The following THOC2 variants were observed in gnomAD, a reference collection of about 807,000 sequenced individuals.
The protein encoded by THOC2 is THO complex 2.
Under a neutral mutation model 128.4 loss-of-function variants are expected in THOC2, and 10 were observed. The ratio of observed to expected loss-of-function variants is 0.08; its 90% CI spans 0.05 to 0.13. The LOEUF is 0.13. THOC2 is among the 10% of genes least tolerant of loss of function. THOC2 has a pLI of 1.00. For missense variants in THOC2, 535 were observed against 1,155.7 expected, an observed-to-expected ratio of 0.46 and a Z score of 7.79; for synonymous variants, 393 against 396.9, an observed-to-expected ratio of 0.99 and a Z score of 0.12.
chrX:123,697,576 A>G, intron 5 of THOC2, 105 bp downstream of exon 5: 1 of 473,070 alleles, frequency 2.1e-6, no homozygotes, highest in Non-Finnish European at 3.6e-6. Context: ...ACCTTATGAG[A>G]AAAGTCAACT....
Position 123,712,860 on chromosome X carries a change from T to A in THOC2, c.120A>T (p.Ser40=). 8.6e-7 allele frequency: 1 copy of A among 1,163,806 alleles called. No homozygotes were observed. Among genetic ancestry groups the A allele is most frequent in the Non-Finnish European group, 1.2e-6 (1 of 866,047 alleles). Residue 40 remains serine, a synonymous_variant, in exon 2 of 39, where the codon TCA becomes TCT. Coordinates refer to ENST00000245838, the MANE Select transcript of THOC2 (RefSeq NM_001081550.2). ...ILSENKSHDS[S]TYRDFQQALY... is the part of the protein sequence containing the mutation. ...TTTTAAAAATCTTACCTCTGTATGT[T>A]GAACTATCATGGCTTTTATTTTCAC... is the stretch of plus-strand genomic sequence containing the variant.
Position 123,611,090 on chromosome X carries a change from AC to A in THOC2, c.4755-128del. The A allele has an allele frequency of 3.5e-6, 2 of 575,263 alleles. 1 individual carries two copies. The highest frequency in any genetic ancestry group is 5.6e-6 in the Non-Finnish European group (2 of 356,911). 47.4% of individuals were successfully genotyped at this position (575,263 alleles called of 1,213,427 possible). A position where few individuals can be genotyped will look rare whatever the true frequency, so the allele number is the denominator to read the frequency against. Reference sequence around the variant, plus strand: ...GACCAGCCTGGTAGCCTCAAACTCTACCAGCTCTGCTTGTCTGACTCATCAT... The same window carrying A: ...GACCAGCCTGGTAGCCTCAAACTCTACAGCTCTGCTTGTCTGACTCATCAT... On this transcript the variant is annotated intron_variant, in intron 37 of 38. Coordinates refer to ENST00000245838, the MANE Select transcript of THOC2 (RefSeq NM_001081550.2).
rs767996125 is a variant in THOC2, at chrX:123,641,436, C to A, written c.1662-814G>T. Among the ~76,000 whole-genome samples, 5 of 112,396 alleles carry A rather than the reference C, an allele frequency of 4.4e-5. No homozygotes were observed. In the East Asian group the frequency reaches 1.1e-3, roughly 25 times the overall value. On this transcript the variant is annotated intron_variant, in intron 15 of 38. Coordinates refer to ENST00000245838, the MANE Select transcript of THOC2 (RefSeq NM_001081550.2). ...GTGACGAACTTGCTTTAATTAATTT[C>A]TCATGACAAAACTGGCCCCATCAAT...
intron 8 of THOC2, among the ~76,000 whole-genome samples, chrX:123,680,228 TA>T (rs928404377): frequency 8.9e-6 from 1 of 111,853 alleles, no homozygotes; most frequent in Non-Finnish European, 1.9e-5. Flanking sequence ...TCTACTGAGA[TA>T]GGGGAAAACC....
chrX:123,709,024 G>A (rs1183832999), intron 2 of THOC2, among the ~76,000 whole-genome samples: 4 of 111,973 alleles, frequency 3.6e-5, no homozygotes, highest in Non-Finnish European at 7.5e-5. Context: ...TGGGATTATA[G>A]GCGTGAGCCA....
chrX:123,708,807 C>T (rs2051051901), intron 2 of THOC2, among the ~76,000 whole-genome samples: 1 of 111,347 alleles, frequency 9.0e-6, no homozygotes, highest in South Asian at 3.8e-4. Flanking sequence ...GGTACAGTGG[C>T]GCAATCTTGG....
chrX:123,688,954 T>G (rs750344496), intron 7 of THOC2, among the ~76,000 whole-genome samples: 1 of 111,677 alleles, frequency 9.0e-6, no homozygotes, highest in Non-Finnish European at 1.9e-5. Flanking sequence ...GAATTAACAC[T>G]CTATCACAGA....
At chrX:123,651,048 A>T (rs2048332745) in intron 12 of THOC2, among the ~76,000 whole-genome samples, 1 of 111,885 alleles carries the variant, frequency 8.9e-6, no homozygotes, top group Non-Finnish European at 1.9e-5. Context: ...AATTGAGCAC[A>T]TAATTGGACG....
rs1002396532 is a variant in THOC2 at position 123,642,177 on chromosome X, C to G, written c.1662-1555G>C. 7.2e-5 allele frequency among the ~76,000 whole-genome samples: 8 copies of G among 111,876 alleles called. No individual in the cohort carries two copies. In the East Asian group the frequency reaches 8.4e-4, roughly 12 times the overall value. On this transcript the variant is annotated intron_variant, in intron 15 of 38. Transcript: ENST00000245838. ...GCAGTGGCTCACGCCTGTAATCCCA[C>G]CACTTTGGGAGGCCAAGGCGGGTGA... is the stretch of plus-strand genomic sequence containing the variant.
chrX:123,713,904 GA>G (rs1164927826), intron 1 of THOC2, among the ~76,000 whole-genome samples: 1 of 109,738 alleles, frequency 9.1e-6, no homozygotes, highest in African/African-American at 3.3e-5. Context: ...TCTTTAGGGG[GA>G]AAAAAAGTGT....
At chrX:123,726,815 T>C (rs2052012324) in intron 1 of THOC2, among the ~76,000 whole-genome samples, 1 of 112,258 alleles carries the variant, frequency 8.9e-6, no homozygotes, top group South Asian at 3.7e-4. Flanking sequence ...TCTCAAAGAT[T>C]TGCTCAAGTT....
intron 12 of THOC2, among the ~76,000 whole-genome samples, chrX:123,646,504 A>G (rs1470045538): frequency 8.9e-6 from 1 of 112,175 alleles, no homozygotes; most frequent in Admixed American, 9.5e-5. Context: ...TTTTCTTGGT[A>G]GATAAGGGTG....
chrX:123,706,997 G>T, intron 2 of THOC2, 48 bp from the exon 3 acceptor site: 1 of 602,179 alleles, frequency 1.7e-6, no homozygotes, highest in South Asian at 5.4e-5. Flanking sequence ...TCTTGAACAT[G>T]AAAAGTAAAT....
chrX:123,647,394 C>T (rs924855848), intron 12 of THOC2, among the ~76,000 whole-genome samples: 1 of 111,318 alleles, frequency 9.0e-6, no homozygotes, highest in Admixed American at 9.6e-5. Context: ...TTACTGAATG[C>T]CAGCTAGAAA....
chrX:123,661,718 T>C lies in THOC2; in HGVS notation c.1386+3924A>G, dbSNP rs187603695. On this transcript the variant is annotated intron_variant, in intron 12 of 38. Transcript: ENST00000245838. ...TGAATATTATATAATAAACAATATA[T>C]ATAGTAATAATTAACTACTTAACAG... 4.1e-3 allele frequency among the ~76,000 whole-genome samples: 454 copies of C among 111,936 alleles called. 1 individual carries two copies. The highest frequency in any genetic ancestry group is 6.7e-3 in the Non-Finnish European group (359 of 53,190).
intron 15 of THOC2, among the ~76,000 whole-genome samples, chrX:123,643,421 A>G (rs2048006238): frequency 8.9e-6 from 1 of 111,985 alleles, no homozygotes; most frequent in Non-Finnish European, 1.9e-5. Context: ...AGTGGTAGTG[A>G]CAGTGGATGA....
intron 8 of THOC2, among the ~76,000 whole-genome samples, chrX:123,678,280 T>TG (rs900274060): frequency 9.2e-6 from 1 of 108,559 alleles, no homozygotes; most frequent in African/African-American, 3.4e-5. Context: ...TTTTTTTTTT[T>TG]TTTGAGATGG....
intron 1 of THOC2, among the ~76,000 whole-genome samples, chrX:123,719,103 G>A (rs751163051): frequency 8.3e-5 from 9 of 108,115 alleles, no homozygotes; most frequent in African/African-American, 1.7e-4. Flanking sequence ...GCGTCAACCC[G>A]GGAGGCAGAG....
intron 6 of THOC2, among the ~76,000 whole-genome samples, chrX:123,696,468 T>G (rs1014079051): frequency 9.0e-5 from 10 of 111,556 alleles, no homozygotes; most frequent in South Asian, 7.5e-4. Flanking sequence ...ATAAATTATT[T>G]TATTGCTAAT....
Sources: allele counts gnomAD v4.1 joint callset (sites outside exome capture counted in the v4.1 genomes callset), GRCh38; gene constraint gnomAD v4.1.1; transcripts MANE v1.5; gene names NCBI Gene and HGNC (gene_info 2026-07-23, HGNC 2026-07-21).